The following ACADM variants were observed in gnomAD, a reference collection of about 807,000 sequenced individuals.
ACADM encodes acyl-CoA dehydrogenase medium chain, also known as medium-chain specific acyl-CoA dehydrogenase, mitochondrial.
A neutral mutation model predicts 58.9 loss-of-function variants in ACADM; 49 were observed. That is an observed-to-expected ratio of 0.83 (90% CI 0.66 to 1.06). The LOEUF (loss-of-function observed/expected upper bound fraction) is 1.06. ACADM is among the 50% of genes least tolerant of loss of function. ACADM has a pLI of 0.00. For missense variants in ACADM, 496 were observed against 507.0 expected (o/e 0.98, Z 0.21); for synonymous variants, 160 against 157.7 (o/e 1.01, Z -0.11).
chr1:75,761,546 T>A, intron 11 of ACADM, 176 bp downstream of exon 11: 1 of 700,256 alleles, frequency 1.4e-6, no homozygotes, highest in South Asian at 1.7e-5. Context: ...TATTTGTGAT[T>A]AAGTATAAGT....
chr1:75,728,514 C>T, intron 2 of ACADM, 26 bp downstream of exon 2: 1 of 1,515,294 alleles, frequency 6.6e-7, no homozygotes, highest in Non-Finnish European at 9.1e-7. Context: ...TATCTTTTGA[C>T]TTTAAACTTA....
At chr1:75,738,331 C>A (rs1184676986) in intron 6 of ACADM, among the ~76,000 whole-genome samples, 2 of 152,078 alleles carry the variant, frequency 1.3e-5, no homozygotes, top group Admixed American at 1.3e-4. Flanking sequence ...TCAAGCAATT[C>A]TTCCTCAGCC....
intron 2 of ACADM, among the ~76,000 whole-genome samples, chr1:75,731,566 A>G (rs575831484): frequency 1.3e-5 from 2 of 152,314 alleles, no homozygotes; most frequent in South Asian, 4.1e-4. Context: ...TCAAGCCACC[A>G]TACTAATTTC....
Position 75,762,927 on chromosome 1 carries a change from T to C in ACADM, c.*164T>C, listed in dbSNP as rs1648934404. 1 of 555,884 alleles carries C rather than the reference T, an allele frequency of 1.8e-6. No individual in the cohort carries two copies. Among genetic ancestry groups the C allele is most frequent in the Non-Finnish European group, 3.2e-6 (1 of 308,762 alleles). The allele number at this position is 555,884 out of a possible 1,614,324, so 34.4% of individuals were successfully genotyped here. Reference sequence around the variant, plus strand: ...TTTATACTTTTGCTTAACTCTGTTATGTCTCTTAAGCAGGTTTGGTTTTTA... The same window carrying C: ...TTTATACTTTTGCTTAACTCTGTTACGTCTCTTAAGCAGGTTTGGTTTTTA... On this transcript the variant is annotated 3_prime_UTR_variant, in exon 12 of 12. Transcript: ENST00000370841.
In ACADM at chr1:75,750,706, A is replaced by G. The variant is rs182435163; in HGVS notation, c.945+160A>G. 6 of 682,832 alleles carry G rather than the reference A, an allele frequency of 8.8e-6. No individual in the cohort carries two copies. In the East Asian group the frequency reaches 1.7e-4, roughly 19 times the overall value. The allele number at this position is 682,832 out of a possible 1,614,324, so 42.3% of individuals were successfully genotyped here. A position where few individuals can be genotyped will look rare whatever the true frequency, so the allele number is the denominator to read the frequency against. On this transcript the variant is annotated intron_variant, in intron 10 of 11. Transcript: ENST00000370841. ...GAGTTTCAAAGACATTTCTTTTTAG[A>G]GTGTGCCACTATTGGTTACTTCTGA...
chr1:75,754,208 TG>T (rs1466565733), intron 10 of ACADM, among the ~76,000 whole-genome samples: 1 of 150,534 alleles, frequency 6.6e-6, no homozygotes, highest in East Asian at 2.0e-4. Flanking sequence ...TTCAGTTTTT[TG>T]TTTTTTTTTT....
intron 10 of ACADM, chr1:75,751,035 G>A: frequency 6.1e-6 from 1 of 163,130 alleles, no homozygotes; most frequent in Non-Finnish European, 1.3e-5. Flanking sequence ...CCGGCCTTGT[G>A]CTATGCATTT....
intron 8 of ACADM, among the ~76,000 whole-genome samples, chr1:75,748,990 A>AGT: frequency 6.6e-6 from 1 of 152,224 alleles, no homozygotes; most frequent in African/African-American, 2.4e-5. Context: ...GTGTTTACTA[A>AGT]ATGTTTTTTC....
intron 1 of ACADM, among the ~76,000 whole-genome samples, chr1:75,725,654 T>A (rs749769788): frequency 6.6e-6 from 1 of 152,144 alleles, no homozygotes; most frequent in Non-Finnish European, 1.5e-5. Context: ...AAACTGACAC[T>A]CTTATATTCC....
intron 7 of ACADM, among the ~76,000 whole-genome samples, chr1:75,741,996 T>C (rs1647594260): frequency 6.6e-6 from 1 of 152,218 alleles, no homozygotes; most frequent in African/African-American, 2.4e-5. Flanking sequence ...TTGGAACATA[T>C]GGATCTCCAT....
At chr1:75,725,091 C>G (rs965391475) in intron 1 of ACADM, among the ~76,000 whole-genome samples, 2 of 152,148 alleles carry the variant, frequency 1.3e-5, no homozygotes, top group African/African-American at 4.8e-5. Context: ...GGTAAACCCT[C>G]CAAATATTTA....
intron 1 of ACADM, among the ~76,000 whole-genome samples, 194 bp downstream of exon 1, chr1:75,725,011 C>G (rs548947956): frequency 6.6e-5 from 10 of 152,162 alleles, no homozygotes; most frequent in Admixed American, 1.3e-4. Context: ...GTTTCATTTT[C>G]CGTATCCTCC....
intron 2 of ACADM, among the ~76,000 whole-genome samples, chr1:75,729,455 G>T (rs1388668249): frequency 3.5e-4 from 45 of 129,106 alleles, no homozygotes; most frequent in East Asian, 8.8e-4. Context: ...AAGTTTCTGT[G>T]TTTTTTTTTT....
intron 9 of ACADM, 108 bp downstream of exon 9, chr1:75,749,667 G>A: frequency 1.0e-6 from 1 of 985,412 alleles, no homozygotes; most frequent in Non-Finnish European, 1.5e-6. Context: ...TTTAATATCT[G>A]CTTATTTTAT....
chr1:75,751,084 G>A (rs1358530457), intron 10 of ACADM, among the ~76,000 whole-genome samples: 2 of 149,250 alleles, frequency 1.3e-5, no homozygotes, highest in Non-Finnish European at 3.0e-5. Context: ...GATCACGCCT[G>A]TAATCCCAGC....
At position 75,732,890 on chromosome 1, in the gene ACADM, G is replaced by T. The variant is rs201221339; in HGVS notation, c.254G>T (p.Gly85Val). ...CTAATTAGAAGAGCCTGGGAACTTG[G>T]TTTAATGAACACACACATTCCAGAG... ...VPLIRRAWELGLMNTHIPENC... is the reference protein window; with the variant it reads ...VPLIRRAWELVLMNTHIPENC... The change falls in exon 4 of 12, where the codon GGT (glycine) becomes GTT (valine). Residue 85 changes from glycine to valine, a missense_variant. By Grantham distance (109) the Gly-to-Val change is moderately radical. Transcript: ENST00000370841. 1 of 1,613,926 alleles carries T rather than the reference G, an allele frequency of 6.2e-7. No homozygotes were observed. Among genetic ancestry groups the T allele is most frequent in the East Asian group, 2.2e-5 (1 of 44,848 alleles).
intron 11 of ACADM, chr1:75,761,642 A>G (rs1057184008): frequency 2.4e-6 from 1 of 422,838 alleles, no homozygotes; most frequent in Non-Finnish European, 4.3e-6. Flanking sequence ...CAGATTGGCT[A>G]ATTGTAACCC....
intron 7 of ACADM, chr1:75,744,696 C>T (rs1570884654): frequency 2.5e-6 from 2 of 787,626 alleles, no homozygotes; most frequent in South Asian, 1.3e-5. Context: ...GGGAATGTCT[C>T]CCTAGAGGGC....
At chr1:75,757,438 A>G (rs1648572678) in intron 10 of ACADM, among the ~76,000 whole-genome samples, 1 of 152,256 alleles carries the variant, frequency 6.6e-6, no homozygotes, top group African/African-American at 2.4e-5. Context: ...TTATGCATCC[A>G]ACAGACACAT....
Sources: allele counts gnomAD v4.1 joint callset (sites outside exome capture counted in the v4.1 genomes callset), GRCh38; gene constraint gnomAD v4.1.1; transcripts MANE v1.5; gene names NCBI Gene and HGNC (gene_info 2026-07-23, HGNC 2026-07-21).